Variants in C5orf46 observed in about 807,000 individuals in gnomAD.
The protein encoded by C5orf46 is chromosome 5 open reading frame 46.
In C5orf46, 9 loss-of-function variants were observed where a neutral mutation model predicts 8.9. The ratio of observed to expected loss-of-function variants is 1.01; its 90% CI spans 0.61 to 1.76. The LOEUF (loss-of-function observed/expected upper bound fraction) is 1.76, where lower values mean the gene tolerates loss of function less well. Ranked by LOEUF, C5orf46 falls within the 40% of genes most tolerant of loss-of-function variation. The pLI, the probability that C5orf46 is intolerant of heterozygous loss-of-function variation, is 0.00. For missense variants in C5orf46, 98 were observed against 107.8 expected, an observed-to-expected ratio of 0.91 and a Z score of 0.40; for synonymous variants, 47 against 41.4, an observed-to-expected ratio of 1.14 and a Z score of -0.52.
chr5:147,906,374 T>C (rs1757751147), intron 1 of C5orf46, 58 bp downstream of exon 1: 2 of 1,182,728 alleles, frequency 1.7e-6, no homozygotes, highest in Admixed American at 1.9e-5. Flanking sequence ...TGCCATCAGC[T>C]TTCTCTAGTC....
chr5:147,889,245 A>T (rs2127122790), downstream of C5orf46, among the ~76,000 whole-genome samples: 1 of 152,242 alleles, frequency 6.6e-6, no homozygotes, highest in Admixed American at 6.5e-5. Context: ...GCCATGAGAA[A>T]TTATTCAGTG....
intron 1 of C5orf46, among the ~76,000 whole-genome samples, chr5:147,904,637 G>A (rs780658230): frequency 3.9e-5 from 6 of 152,156 alleles, no homozygotes; most frequent in Middle Eastern, 3.4e-3. Context: ...CTTGGCCTTA[G>A]CTTGTGAACC....
chr5:147,889,963 T>A (rs1187101370), downstream of C5orf46, among the ~76,000 whole-genome samples: 1 of 152,200 alleles, frequency 6.6e-6, no homozygotes, highest in African/African-American at 2.4e-5. Context: ...ATTGCCATAG[T>A]CTGAGTTTTG....
intron 1 of C5orf46, among the ~76,000 whole-genome samples, chr5:147,905,444 C>A (rs1441152358): frequency 1.3e-5 from 2 of 152,144 alleles, no homozygotes; most frequent in East Asian, 3.9e-4. Flanking sequence ...GTAGTGATTT[C>A]TTTAGGAGTA....
chr5:147,903,198 C>G (rs1339310514), intron 1 of C5orf46, among the ~76,000 whole-genome samples: 2 of 152,116 alleles, frequency 1.3e-5, no homozygotes, highest in Non-Finnish European at 2.9e-5. Context: ...AAAGTGGGAC[C>G]TTTATTTTTT....
intron 3 of C5orf46, among the ~76,000 whole-genome samples, chr5:147,894,418 C>A (rs1193821987): frequency 6.6e-6 from 1 of 152,088 alleles, no homozygotes; most frequent in Non-Finnish European, 1.5e-5. Context: ...CTCAGATGAA[C>A]CAGGTATTCG....
intron 3 of C5orf46, among the ~76,000 whole-genome samples, chr5:147,893,484 C>T (rs1757534050): frequency 6.6e-6 from 1 of 151,718 alleles, no homozygotes; most frequent in Non-Finnish European, 1.5e-5. Flanking sequence ...CAGGGTTTCA[C>T]AGTTTTAGCC....
intron 3 of C5orf46, among the ~76,000 whole-genome samples, chr5:147,895,329 T>C (rs539756009): frequency 4.6e-5 from 7 of 152,278 alleles, no homozygotes; most frequent in African/African-American, 1.7e-4. Context: ...CCTAGTTTAA[T>C]GTTTTTTATA....
intron 3 of C5orf46, among the ~76,000 whole-genome samples, chr5:147,896,449 G>A (rs1757580886): frequency 6.6e-6 from 1 of 152,116 alleles, no homozygotes; most frequent in Non-Finnish European, 1.5e-5. Flanking sequence ...TACTTTTCCA[G>A]ATCTAACACT....
chr5:147,889,661 T>G (rs1042276940), downstream of C5orf46, among the ~76,000 whole-genome samples: 1 of 152,118 alleles, frequency 6.6e-6, no homozygotes, highest in Admixed American at 6.5e-5. Flanking sequence ...AAATTAATTT[T>G]CTTAAAAAGA....
intron 2 of C5orf46, chr5:147,901,196 T>C (rs539922955): frequency 6.5e-6 from 1 of 153,878 alleles, no homozygotes; most frequent in African/African-American, 2.4e-5. Flanking sequence ...GTAATCACAG[T>C]GCTTACAAGG....
At chr5:147,894,367 T>C (rs1170799952) in intron 3 of C5orf46, among the ~76,000 whole-genome samples, 2 of 152,162 alleles carry the variant, frequency 1.3e-5, no homozygotes, top group African/African-American at 2.4e-5. Flanking sequence ...TTAAAGCCAG[T>C]AAAAATCATG....
At chr5:147,901,074 A>G (rs963057726) in intron 2 of C5orf46, among the ~76,000 whole-genome samples, 2 of 152,140 alleles carry the variant, frequency 1.3e-5, no homozygotes, top group Non-Finnish European at 2.9e-5. Context: ...CTTTAAAGAG[A>G]GGTTATCTAC....
downstream of C5orf46, among the ~76,000 whole-genome samples, chr5:147,890,707 T>C (rs1343209862): frequency 6.6e-6 from 1 of 151,906 alleles, no homozygotes; most frequent in Non-Finnish European, 1.5e-5. Context: ...GAAGAGGAAA[T>C]GTAAGGCCCT....
chr5:147,903,984 G>A (rs1757711487), intron 1 of C5orf46, among the ~76,000 whole-genome samples: 1 of 152,120 alleles, frequency 6.6e-6, no homozygotes, highest in Non-Finnish European at 1.5e-5. Flanking sequence ...CTGGGCTTGA[G>A]TGATCTGCCC....
intron 3 of C5orf46, among the ~76,000 whole-genome samples, chr5:147,895,916 G>T (rs953783637): frequency 1.3e-5 from 2 of 152,096 alleles, no homozygotes; most frequent in African/African-American, 4.8e-5. Flanking sequence ...AAGTTCCGGG[G>T]GAATATGATA....
chr5:147,904,361 GAC>G lies in C5orf46; in HGVS notation c.70+2069_70+2070del, dbSNP rs545556511. Among the ~76,000 whole-genome samples, 37 of 152,290 alleles carry G rather than the reference GAC, an allele frequency of 2.4e-4. No individual in the cohort carries two copies. In the South Asian group the frequency reaches 7.7e-3, roughly 32 times the overall value. On this transcript the variant is annotated intron_variant, in intron 1 of 3. Coordinates refer to ENST00000318315, the MANE Select transcript of C5orf46 (RefSeq NM_206966.3). ...GAAATCACTCATCTAGAAAGTGGCT[GAC>G]CCAGGGTTTGAACCTAATTTTTTTT...
intron 1 of C5orf46, among the ~76,000 whole-genome samples, chr5:147,904,840 T>C (rs988845735): frequency 3.4e-5 from 5 of 148,544 alleles, no homozygotes; most frequent in African/African-American, 7.5e-5. Flanking sequence ...TATATATATA[T>C]ACACACACAT....
downstream of C5orf46, among the ~76,000 whole-genome samples, chr5:147,888,654 C>T (rs938440994): frequency 9.9e-5 from 15 of 152,142 alleles, no homozygotes; most frequent in African/African-American, 3.4e-4. Flanking sequence ...CCTTCCTTCA[C>T]CCAGTTGATA....
Sources: allele counts gnomAD v4.1 joint callset (sites outside exome capture counted in the v4.1 genomes callset), GRCh38; gene constraint gnomAD v4.1.1; transcripts MANE v1.5; gene names NCBI Gene and HGNC (gene_info 2026-07-23, HGNC 2026-07-21).